The following RASSF3 variants were observed in gnomAD, a reference collection of about 807,000 sequenced individuals.
The protein encoded by RASSF3 is Ras association domain family member 3.
RASSF3 carries 19 observed loss-of-function variants against 19.9 expected under a neutral mutation model. The observed-to-expected ratio is 0.96, with a 90% CI of 0.67 to 1.40. RASSF3 has a LOEUF of 1.40. Among genes scored for constraint, RASSF3 ranks in the 40% most tolerant of loss-of-function variants. The probability of loss-of-function intolerance (pLI) is 0.00; values close to 1 mark genes in which losing one functional copy is unlikely to be tolerated. For missense variants in RASSF3, 306 were observed against 289.8 expected, an observed-to-expected ratio of 1.06 and a Z score of -0.41; for synonymous variants, 110 against 104.2, an observed-to-expected ratio of 1.06 and a Z score of -0.34.
intron 1 of RASSF3, among the ~76,000 whole-genome samples, chr12:64,665,722 G>A (rs1872522553): frequency 6.6e-6 from 1 of 152,178 alleles, no homozygotes; most frequent in Admixed American, 6.5e-5. Flanking sequence ...GCATAAATAT[G>A]ACTGCAGAAC....
At chr12:64,611,180 T>G (rs1264574532) in intron 1 of RASSF3, among the ~76,000 whole-genome samples, 1 of 152,126 alleles carries the variant, frequency 6.6e-6, no homozygotes, top group Non-Finnish European at 1.5e-5. Flanking sequence ...TGGGTCAACG[T>G]GTAATAGCTA....
intron 1 of RASSF3, among the ~76,000 whole-genome samples, chr12:64,511,695 A>T (rs536646399): frequency 3.4e-4 from 52 of 152,296 alleles, no homozygotes; most frequent in Non-Finnish European, 6.5e-4. Context: ...TTTCCAAATC[A>T]TTACTAATGC....
At position 64,694,938 on chromosome 12, in the gene RASSF3, C is replaced by T. The variant is rs757443291; in HGVS notation, c.*26C>T. 17 of 1,608,958 alleles carry T rather than the reference C, an allele frequency of 1.1e-5. No individual in the cohort carries two copies. Among genetic ancestry groups the T allele is most frequent in the African/African-American group, 5.4e-5 (4 of 74,712 alleles). On this transcript the variant is annotated 3_prime_UTR_variant, in exon 5 of 5. Coordinates refer to ENST00000542104, the MANE Select transcript of RASSF3 (RefSeq NM_178169.4). ...AGCGGGGCTCCCTGCCCGTGAGGCC[C>T]GGTGCAGGACCGATGTACAAAACAG...
At chr12:64,582,831 TG>T (rs768904052) in intron 2 of RASSF3, among the ~76,000 whole-genome samples, 15 of 152,196 alleles carry the variant, frequency 9.9e-5, no homozygotes, top group Non-Finnish European at 1.9e-4. Flanking sequence ...GCTAGCCTTC[TG>T]ATTTGGCACT....
At chr12:64,623,228 G>A (rs1455656969) in intron 1 of RASSF3, among the ~76,000 whole-genome samples, 1 of 152,168 alleles carries the variant, frequency 6.6e-6, no homozygotes, top group Non-Finnish European at 1.5e-5. Flanking sequence ...AAACAACATA[G>A]TTAAATATAT....
intron 2 of RASSF3, among the ~76,000 whole-genome samples, chr12:64,560,002 T>G (rs73126212): frequency 0.079 from 12,088 of 152,324 alleles, 594 homozygotes; most frequent in Middle Eastern, 0.14. Flanking sequence ...CCTGTTGCCT[T>G]GCTGGAGAGG....
intron 2 of RASSF3, among the ~76,000 whole-genome samples, chr12:64,550,907 C>T (rs543861499): frequency 6.6e-6 from 1 of 151,480 alleles, no homozygotes; most frequent in Non-Finnish European, 1.5e-5. Flanking sequence ...ATGTTCCAAT[C>T]CTGCCGGCTC....
At chr12:64,642,038 G>A (rs866569687) in intron 1 of RASSF3, among the ~76,000 whole-genome samples, 1 of 151,856 alleles carries the variant, frequency 6.6e-6, no homozygotes, top group African/African-American at 2.4e-5. Context: ...CACCGTGCTC[G>A]GCCTGTGATT....
chr12:64,645,387 G>A (rs931783216), intron 1 of RASSF3, among the ~76,000 whole-genome samples: 2 of 152,048 alleles, frequency 1.3e-5, no homozygotes, highest in Non-Finnish European at 2.9e-5. Context: ...ACTTTGGTGA[G>A]GCATGGCAGC....
intron 2 of RASSF3, among the ~76,000 whole-genome samples, chr12:64,554,805 C>T (rs766625105): frequency 2.0e-4 from 31 of 152,184 alleles, no homozygotes; most frequent in Admixed American, 1.0e-3. Flanking sequence ...AGAATATAAG[C>T]TCTGGCAGCA....
chr12:64,513,871 TTTTGTTTG>T (rs138001511), intron 1 of RASSF3, among the ~76,000 whole-genome samples: 6 of 151,624 alleles, frequency 4.0e-5, no homozygotes, highest in South Asian at 2.1e-4. Flanking sequence ...GAATTTAAGG[TTTTGTTTG>T]TTTGTTTGTT....
intron 1 of RASSF3, among the ~76,000 whole-genome samples, chr12:64,680,803 A>G (rs1200940417): frequency 6.6e-6 from 1 of 151,914 alleles, no homozygotes; most frequent in Non-Finnish European, 1.5e-5. Context: ...TAATAGAGAC[A>G]AGGCCACCAT....
At chr12:64,687,481 GTT>G (rs540514472) in intron 2 of RASSF3, among the ~76,000 whole-genome samples, 1 of 143,044 alleles carries the variant, frequency 7.0e-6, no homozygotes. Context: ...TTTGTTTTTT[GTT>G]TTTTTTTTTG....
intron 1 of RASSF3, among the ~76,000 whole-genome samples, chr12:64,617,180 A>G (rs1213363456): frequency 6.6e-6 from 1 of 152,214 alleles, no homozygotes; most frequent in East Asian, 1.9e-4. Flanking sequence ...AAGCCTTCAC[A>G]GTATCTTACA....
intron 1 of RASSF3, among the ~76,000 whole-genome samples, chr12:64,644,131 A>C (rs1314621313): frequency 6.6e-6 from 1 of 152,218 alleles, no homozygotes; most frequent in Non-Finnish European, 1.5e-5. Context: ...AAATAGCTTA[A>C]ACTTTGTCAT....
chr12:64,675,352 G>A (rs1872858760), intron 1 of RASSF3, among the ~76,000 whole-genome samples: 1 of 152,012 alleles, frequency 6.6e-6, no homozygotes, highest in Non-Finnish European at 1.5e-5. Context: ...GTTTCGCAAT[G>A]TTGCCCAGGT....
intron 2 of RASSF3, among the ~76,000 whole-genome samples, chr12:64,578,525 A>G (rs977812482): frequency 1.3e-5 from 2 of 152,166 alleles, no homozygotes; most frequent in Non-Finnish European, 2.9e-5. Context: ...CAGGCATGAT[A>G]GGGCAAGCCT....
chr12:64,517,413 A>T (rs1868387665), intron 1 of RASSF3, among the ~76,000 whole-genome samples: 1 of 152,158 alleles, frequency 6.6e-6, no homozygotes, highest in Non-Finnish European at 1.5e-5. Flanking sequence ...TGGAAGAATA[A>T]ACATGGAAGA....
chr12:64,507,541 C>T (rs968868210), intron 1 of RASSF3: 3 of 359,076 alleles, frequency 8.4e-6, no homozygotes, highest in Non-Finnish European at 9.9e-6. Context: ...AAGCCATGAA[C>T]ATTGTTACAA....
Sources: gnomAD v4.1 joint callset for allele counts (sites outside exome capture counted in the v4.1 genomes callset) on GRCh38, gnomAD v4.1.1 for gene constraint, MANE v1.5 for transcripts, NCBI Gene and HGNC (gene_info 2026-07-23, HGNC 2026-07-21) for gene names.